Variants in KHDRBS2 observed in about 807,000 individuals in gnomAD.
KHDRBS2 encodes KH domain-containing, RNA-binding, signal transduction-associated protein 2.
A neutral mutation model predicts 44.3 loss-of-function variants in KHDRBS2; 26 were observed. The ratio of observed to expected loss-of-function variants is 0.59; its 90% confidence interval spans 0.43 to 0.81. The LOEUF (loss-of-function observed/expected upper bound fraction) is 0.81. Ranked by LOEUF, KHDRBS2 falls within the 40% of genes least tolerant of loss-of-function variation. The probability of loss-of-function intolerance (pLI) is 0.00; values close to 1 mark genes in which losing one functional copy is unlikely to be tolerated. For synonymous variants in KHDRBS2, 194 were observed against 151.1 expected, an observed-to-expected ratio of 1.28 and a Z score of -2.08; for missense variants, 476 against 433.1, an observed-to-expected ratio of 1.10 and a Z score of -0.88.
chr6:62,176,561 C>T (rs116453174), intron 2 of KHDRBS2, among the ~76,000 whole-genome samples: 111 of 151,282 alleles, frequency 7.3e-4, no homozygotes, highest in African/African-American at 2.5e-3. Context: ...CAAAAAAAAT[C>T]CCTCTGTTTA....
chr6:61,848,509 ATG>A (rs1441166615), intron 6 of KHDRBS2, among the ~76,000 whole-genome samples: 1,295 of 50,002 alleles, frequency 0.026, 75 homozygotes, highest in African/African-American at 0.037. Context: ...ATATATATAT[ATG>A]TATATATGTA....
rs144225736 is a variant in KHDRBS2, at chr6:61,959,835, T to C, written c.483+18231A>G. Among the ~76,000 whole-genome samples the C allele has an allele frequency of 5.2e-4, 79 of 152,278 alleles. 1 individual carries two copies. Among genetic ancestry groups the C allele is most frequent in the Admixed American group, 1.2e-3 (18 of 15,260 alleles). On this transcript the variant is annotated intron_variant, in intron 4 of 8. Transcript: ENST00000281156. ...TAAATCTTAGCTCTACAATAAGATA[T>C]TAAATATGCTTAAATGCTTCTGTTA...
chr6:61,936,235 C>T (rs1450686723), intron 4 of KHDRBS2, among the ~76,000 whole-genome samples: 1 of 151,998 alleles, frequency 6.6e-6, no homozygotes, highest in Non-Finnish European at 1.5e-5. Context: ...AGATTGATCA[C>T]ATTTTCTTTC....
rs531172777 is a variant in KHDRBS2, at chr6:61,753,413, A to C, written c.811-20649T>G. On this transcript the variant is annotated intron_variant, in intron 6 of 8. Coordinates refer to ENST00000281156, the MANE Select transcript of KHDRBS2 (RefSeq NM_152688.4). ...TACCCCCACCCCCCCAAACCATATG[A>C]GCATTTCTCAGATAAAAGAGGGTGA... is the stretch of plus-strand genomic sequence containing the variant. Among the ~76,000 whole-genome samples the C allele has an allele frequency of 2.0e-5, 3 of 152,208 alleles. No individual in the cohort carries two copies. The East Asian group carries it at 5.8e-4, about 29-fold the overall frequency.
intron 7 of KHDRBS2, among the ~76,000 whole-genome samples, chr6:61,705,484 C>A (rs997611245): frequency 1.1e-4 from 17 of 151,744 alleles, no homozygotes; most frequent in Admixed American, 5.3e-4. Context: ...ATAGTATTAG[C>A]CCAAGACCAG....
intron 2 of KHDRBS2, among the ~76,000 whole-genome samples, chr6:62,131,277 C>T (rs577852582): frequency 6.6e-6 from 1 of 152,188 alleles, no homozygotes; most frequent in East Asian, 1.9e-4. Context: ...TTAGCTTTCT[C>T]ATTTGTTAAG....
intron 2 of KHDRBS2, among the ~76,000 whole-genome samples, chr6:62,062,079 T>A: frequency 6.6e-6 from 1 of 150,932 alleles, no homozygotes; most frequent in Non-Finnish European, 1.5e-5. Flanking sequence ...AAGAGCTAAC[T>A]ATCCTAAATA....
intron 1 of KHDRBS2, among the ~76,000 whole-genome samples, chr6:62,194,480 C>CTTTTTTTTTTTTTTTTTTTTTTTTT (rs70996208): frequency 4.3e-5 from 3 of 69,770 alleles, no homozygotes; most frequent in Non-Finnish European, 7.5e-5. Flanking sequence ...TCTTTTCTTC[C>CTTTTTTTTTTTTTTTTTTTTTTTTT]TTTTTTTTTT....
At chr6:61,949,135 C>T (rs1015244855) in intron 4 of KHDRBS2, among the ~76,000 whole-genome samples, 3 of 152,084 alleles carry the variant, frequency 2.0e-5, no homozygotes, top group African/African-American at 7.2e-5. Context: ...GATTGTCATC[C>T]TGTCCCACTG....
chr6:61,929,003 T>C, intron 4 of KHDRBS2, among the ~76,000 whole-genome samples: 1 of 152,282 alleles, frequency 6.6e-6, no homozygotes, highest in Non-Finnish European at 1.5e-5. Context: ...CACAATATCA[T>C]ATTTTAACAG....
At chr6:61,912,203 T>C (rs1227829658) in intron 4 of KHDRBS2, among the ~76,000 whole-genome samples, 1 of 151,982 alleles carries the variant, frequency 6.6e-6, no homozygotes, top group Non-Finnish European at 1.5e-5. Context: ...TAAAATGTAA[T>C]ACAGTACAAT....
intron 2 of KHDRBS2, among the ~76,000 whole-genome samples, chr6:62,074,997 A>G (rs757221275): frequency 6.6e-6 from 1 of 151,918 alleles, no homozygotes; most frequent in East Asian, 1.9e-4. Context: ...TTCTCTCTTT[A>G]GTTAAAATGA....
At chr6:61,690,180 CAT>C (rs962485991) in intron 8 of KHDRBS2, among the ~76,000 whole-genome samples, 4 of 151,968 alleles carry the variant, frequency 2.6e-5, no homozygotes, top group Non-Finnish European at 5.9e-5. Flanking sequence ...CCTAAGGTGG[CAT>C]ATCCCTGGAT....
At chr6:61,547,677 A>T in the KHDRBS2 span, among the ~76,000 whole-genome samples, 1 of 152,140 alleles carries the variant, frequency 6.6e-6, no homozygotes, top group South Asian at 2.1e-4. Flanking sequence ...ACAATGCTGG[A>T]CCAATTAAGC....
rs528535433 is a variant in KHDRBS2, at chr6:62,273,051, T to C, written c.91+12807A>G. Among the ~76,000 whole-genome samples the C allele has an allele frequency of 4.1e-4, 62 of 152,290 alleles. 1 individual carries two copies. In the South Asian group the frequency reaches 0.013, roughly 32 times the overall value. On this transcript the variant is annotated intron_variant, in intron 1 of 8. Transcript: ENST00000281156. ...TTAAAGTACTTCACTCAGAATAACA[T>C]GGGTCTTTAATTCTAGGAAGAAATA...
rs550045245 is a variant in KHDRBS2 at position 61,760,619 on chromosome 6, G to A, written c.811-27855C>T. Among the ~76,000 whole-genome samples the A allele has an allele frequency of 1.1e-4, 17 of 151,398 alleles. 1 individual carries two copies. Among genetic ancestry groups the A allele is most frequent in the African/African-American group, 3.9e-4 (16 of 41,256 alleles). ...TGCACTCCAGCCTGGGCAACAGAGT[G>A]AGAACCTGTCTCAAGCAGAAAAAAG... On this transcript the variant is annotated intron_variant, in intron 6 of 8. Coordinates refer to ENST00000281156, the MANE Select transcript of KHDRBS2 (RefSeq NM_152688.4).
At chr6:61,988,660 G>A (rs1171864243) in intron 3 of KHDRBS2, among the ~76,000 whole-genome samples, 1 of 152,158 alleles carries the variant, frequency 6.6e-6, no homozygotes, top group Admixed American at 6.6e-5. Context: ...CTCAAAAGCT[G>A]AGAAGAAACC....
intron 1 of KHDRBS2, among the ~76,000 whole-genome samples, chr6:62,181,070 A>G (rs977581140): frequency 3.9e-4 from 59 of 152,030 alleles, no homozygotes; most frequent in African/African-American, 1.3e-3. Context: ...AGACTTAAAC[A>G]TAAGACCAGA....
At chr6:62,076,972 A>C (rs1796467712) in intron 2 of KHDRBS2, among the ~76,000 whole-genome samples, 1 of 151,900 alleles carries the variant, frequency 6.6e-6, no homozygotes. Context: ...CATGAGTCCA[A>C]GAGTTGAAGA....
Sources: allele counts gnomAD v4.1 joint callset (sites outside exome capture counted in the v4.1 genomes callset), GRCh38; gene constraint gnomAD v4.1.1; transcripts MANE v1.5; gene names NCBI Gene and HGNC (gene_info 2026-07-23, HGNC 2026-07-21).